CNOT6L: variants seen among roughly 807,000 people sequenced by gnomAD.
CNOT6L encodes the protein CCR4-NOT transcription complex subunit 6-like.
A neutral mutation model predicts 64.0 loss-of-function variants in CNOT6L; 7 were observed. The ratio of observed to expected loss-of-function variants is 0.11; its 90% confidence interval spans 0.06 to 0.21. The LOEUF is 0.21. Ranked by LOEUF, CNOT6L falls within the 10% of genes least tolerant of loss-of-function variation. CNOT6L has a pLI of 1.00. For synonymous variants in CNOT6L, 193 were observed against 243.4 expected, an observed-to-expected ratio of 0.79 and a Z score of 1.93; for missense variants, 245 against 669.0, an observed-to-expected ratio of 0.37 and a Z score of 6.99.
At chr4:77,816,019 T>G (rs1733533508) in intron 1 of CNOT6L, among the ~76,000 whole-genome samples, 1 of 152,252 alleles carries the variant, frequency 6.6e-6, no homozygotes, top group African/African-American at 2.4e-5. Flanking sequence ...TTCCTAAGTA[T>G]TCCAATTCTC....
intron 1 of CNOT6L, among the ~76,000 whole-genome samples, chr4:77,813,903 C>T (rs1351323292): frequency 6.6e-6 from 1 of 152,114 alleles, no homozygotes. Flanking sequence ...TAGGTACACA[C>T]CCAAAAGAAT....
At chr4:77,733,368 A>G (rs1722643230) in intron 8 of CNOT6L, among the ~76,000 whole-genome samples, 1 of 152,138 alleles carries the variant, frequency 6.6e-6, no homozygotes, top group Admixed American at 6.6e-5. Flanking sequence ...AGACATGAAG[A>G]AATTTGATTC....
chr4:77,744,782 T>C lies in CNOT6L; in HGVS notation c.653A>G (p.Glu218Gly). The C allele has an allele frequency of 6.2e-7, 1 of 1,613,558 alleles. No homozygotes were observed. The highest frequency in any genetic ancestry group is 1.1e-5 in the South Asian group (1 of 91,008). ...TTCCATAATTCCCTTTTTCCTGTAT[T>C]CCCAGTTTAATGCCCAGGATGGGCA... The part of the protein sequence containing the change: ...GYCPSWALNW[E>G]YRKKGIMEEI... The change falls in exon 7 of 12, where the codon GAA becomes GGA. Residue 218 changes from glutamate to glycine, a missense_variant. Transcript: ENST00000504123.
At chr4:77,802,921 T>C (rs1277311226) in intron 1 of CNOT6L, among the ~76,000 whole-genome samples, 1 of 152,154 alleles carries the variant, frequency 6.6e-6, no homozygotes, top group Admixed American at 6.6e-5. Context: ...TTTTATAATC[T>C]TGGGGTGCAG....
chr4:77,795,276 C>T (rs996778330), intron 1 of CNOT6L, among the ~76,000 whole-genome samples: 14 of 152,086 alleles, frequency 9.2e-5, no homozygotes, highest in Non-Finnish European at 1.8e-4. Flanking sequence ...ACCTCGGCCT[C>T]CCAAAGTGCT....
chr4:77,720,335 A>G lies in CNOT6L; in HGVS notation c.*96T>C, dbSNP rs1211900172. The G allele has an allele frequency of 7.1e-6, 9 of 1,270,802 alleles. No homozygotes were observed. The highest frequency in any genetic ancestry group is 1.0e-5 in the Non-Finnish European group (9 of 901,456). 78.7% of individuals were successfully genotyped at this position (1,270,802 alleles called of 1,614,324 possible). ...CATAATGAAAGAAACCTGAAGAAGC[A>G]GCTTAAGGATGGCCATACTTCACTC... On this transcript the variant is annotated 3_prime_UTR_variant, in exon 12 of 12. Transcript: ENST00000504123.
At chr4:77,811,425 T>C (rs975520530) in intron 1 of CNOT6L, among the ~76,000 whole-genome samples, 2 of 152,040 alleles carry the variant, frequency 1.3e-5, no homozygotes, top group Non-Finnish European at 2.9e-5. Flanking sequence ...AATTAGCCTG[T>C]AGTCCCAGCT....
At chr4:77,726,508 T>A (rs1721866243) in intron 10 of CNOT6L, 139 bp from the exon 11 acceptor site, 1 of 568,248 alleles carries the variant, frequency 1.8e-6, no homozygotes, top group African/African-American at 1.9e-5. Flanking sequence ...TGCCTTTTGT[T>A]GTTGTTTAAA....
chr4:77,744,166 A>G (rs1161501463), intron 7 of CNOT6L, among the ~76,000 whole-genome samples: 2 of 152,328 alleles, frequency 1.3e-5, no homozygotes, highest in South Asian at 2.1e-4. Flanking sequence ...TTTTGAAGCA[A>G]CAGAACACAT....
intron 11 of CNOT6L, 132 bp from the exon 12 acceptor site, chr4:77,720,775 G>T: frequency 1.3e-6 from 1 of 792,524 alleles, no homozygotes; most frequent in Non-Finnish European, 2.0e-6. Context: ...GGTCAAATAA[G>T]GCTCAAATAT....
At chr4:77,797,972 C>G (rs1016855567) in intron 1 of CNOT6L, among the ~76,000 whole-genome samples, 1 of 152,082 alleles carries the variant, frequency 6.6e-6, no homozygotes, top group African/African-American at 2.4e-5. Flanking sequence ...AAAGCATGAT[C>G]CATAAAACAA....
At chr4:77,763,816 G>A (rs1287945717) in intron 4 of CNOT6L, among the ~76,000 whole-genome samples, 2 of 152,076 alleles carry the variant, frequency 1.3e-5, no homozygotes, top group African/African-American at 4.8e-5. Flanking sequence ...TAGGTTTAAA[G>A]CTAACAATAA....
At chr4:77,798,295 G>T (rs964212223) in intron 1 of CNOT6L, among the ~76,000 whole-genome samples, 4 of 152,090 alleles carry the variant, frequency 2.6e-5, no homozygotes, top group Non-Finnish European at 4.4e-5. Context: ...ACAACAGATT[G>T]AGATCTTGTC....
chr4:77,764,657 A>G (rs1432112509), intron 4 of CNOT6L, among the ~76,000 whole-genome samples: 3 of 152,160 alleles, frequency 2.0e-5, no homozygotes, highest in Non-Finnish European at 4.4e-5. Context: ...CCCAAAGGAA[A>G]ATCATCTGCG....
intron 6 of CNOT6L, 58 bp from the exon 7 acceptor site, chr4:77,744,933 A>G (rs988456449): frequency 3.5e-5 from 51 of 1,456,132 alleles, no homozygotes; most frequent in Non-Finnish European, 4.7e-5. Flanking sequence ...AACTTTTTCT[A>G]AAGCAATATC....
chr4:77,725,631 A>G (rs984235016), intron 11 of CNOT6L, among the ~76,000 whole-genome samples: 2 of 152,222 alleles, frequency 1.3e-5, no homozygotes, highest in Non-Finnish European at 1.5e-5. Context: ...GTATAAATAC[A>G]CAGATATAAA....
intron 9 of CNOT6L, among the ~76,000 whole-genome samples, chr4:77,729,709 C>A (rs1317310214): frequency 6.6e-6 from 1 of 150,774 alleles, no homozygotes; most frequent in African/African-American, 2.4e-5. Context: ...TAACCAGATT[C>A]TTTTGGGAAG....
At chr4:77,742,363 C>A in intron 7 of CNOT6L, 68 bp from the exon 8 acceptor site, 1 of 1,363,892 alleles carries the variant, frequency 7.3e-7, no homozygotes, top group South Asian at 1.3e-5. Flanking sequence ...TAAAAATGTT[C>A]AGCATTATGA....
chr4:77,757,314 T>C (rs1234818280), intron 4 of CNOT6L, among the ~76,000 whole-genome samples: 2 of 152,128 alleles, frequency 1.3e-5, no homozygotes, highest in African/African-American at 2.4e-5. Context: ...AATAGCCATA[T>C]AGGAGAAAGA....
Sources: gnomAD v4.1 joint callset for allele counts (sites outside exome capture counted in the v4.1 genomes callset) on GRCh38, gnomAD v4.1.1 for gene constraint, MANE v1.5 for transcripts, NCBI Gene and HGNC (gene_info 2026-07-23, HGNC 2026-07-21) for gene names.